FRMD4A: variants seen among roughly 807,000 people sequenced by gnomAD.
The protein encoded by FRMD4A is FERM domain containing 4A, also known as FERM domain-containing protein 4A.
Under a neutral mutation model 129.1 loss-of-function variants are expected in FRMD4A, and 29 were observed. That is an observed-to-expected ratio of 0.22 (90% CI 0.17 to 0.31). The LOEUF (loss-of-function observed/expected upper bound fraction) is 0.31, where lower values mean the gene tolerates loss of function less well. Among genes scored for constraint, FRMD4A ranks in the 10% least tolerant of loss-of-function variants. FRMD4A has a pLI of 1.00. For missense variants in FRMD4A, 1,272 were observed against 1,375.8 expected (o/e 0.92, Z 1.19); for synonymous variants, 634 against 571.6 (o/e 1.11, Z -1.56).
intron 2 of FRMD4A, among the ~76,000 whole-genome samples, chr10:14,277,493 A>G (rs1845382313): frequency 6.6e-6 from 1 of 152,206 alleles, no homozygotes; most frequent in Non-Finnish European, 1.5e-5. Flanking sequence ...GCCAAAAAGG[A>G]GATTCCAAAT....
In FRMD4A at chr10:13,657,438, C is replaced by T. The variant is rs145831455; in HGVS notation, c.2151G>A (p.Lys717=). ...CGGTGTCGTTTTCCGAGCCCAGGAG[C>T]TTGCCCTGGGACTCCAGGCTGGAGC... ...HRSSSLESQG[K]LLGSENDTGS... Residue 717 remains lysine, a synonymous_variant, in exon 22 of 25, where the codon AAG becomes AAA. Transcript: ENST00000357447. 1,772 of 1,612,610 alleles carry T rather than the reference C, an allele frequency of 1.1e-3. 1 individual carries two copies. Among genetic ancestry groups the T allele is most frequent in the Non-Finnish European group, 1.4e-3 (1,684 of 1,179,920 alleles).
At chr10:13,918,578 G>T (rs1787964074) in intron 2 of FRMD4A, among the ~76,000 whole-genome samples, 2 of 152,066 alleles carry the variant, frequency 1.3e-5, no homozygotes, top group African/African-American at 4.8e-5. Context: ...GCCCAGGCTG[G>T]AGTGCAGTGG....
chr10:14,153,978 C>T (rs1266449609), intron 2 of FRMD4A, among the ~76,000 whole-genome samples: 2 of 152,210 alleles, frequency 1.3e-5, no homozygotes, highest in African/African-American at 2.4e-5. Flanking sequence ...TCCCAACGGC[C>T]ATGACGGGGT....
intron 2 of FRMD4A, chr10:14,008,549 T>C (rs907226030): frequency 2.0e-6 from 2 of 981,790 alleles, no homozygotes; most frequent in Non-Finnish European, 2.4e-6. Context: ...ATCAGGTCAG[T>C]TGTCTAATCA....
chr10:14,326,942 T>A (rs1251733908), intron 2 of FRMD4A: 1 of 398,550 alleles, frequency 2.5e-6, no homozygotes, highest in African/African-American at 2.1e-5. Context: ...ATGTGTCTTC[T>A]CTCCAAGTCC....
intron 2 of FRMD4A, among the ~76,000 whole-genome samples, chr10:14,300,350 G>A (rs1846144807): frequency 6.6e-6 from 1 of 152,122 alleles, no homozygotes; most frequent in Non-Finnish European, 1.5e-5. Flanking sequence ...ACCAAGCTTA[G>A]AATAAAATTC....
At chr10:14,226,324 C>T (rs576674656) in intron 2 of FRMD4A, among the ~76,000 whole-genome samples, 32 of 152,172 alleles carry the variant, frequency 2.1e-4, no homozygotes, top group Non-Finnish European at 4.1e-4. Context: ...CATTCAACAG[C>T]TCACTGTACC....
rs571975271 is a variant in FRMD4A, at chr10:14,268,045, C to A, written c.45+62013G>T. Among the ~76,000 whole-genome samples, 21 of 152,178 alleles carry A rather than the reference C, an allele frequency of 1.4e-4. 1 individual carries two copies. The highest frequency in any genetic ancestry group is 2.4e-4 in the Non-Finnish European group (16 of 68,010). On this transcript the variant is annotated intron_variant, in intron 2 of 24. Transcript: ENST00000357447. ...ACCTATTTCATGATTGTGTTGCAGGCATCAAATGGGATAGTATATGCCAGA... is the reference window on the plus strand; with the variant it reads ...ACCTATTTCATGATTGTGTTGCAGGAATCAAATGGGATAGTATATGCCAGA...
At chr10:14,190,460 C>A (rs1318046369) in intron 2 of FRMD4A, among the ~76,000 whole-genome samples, 2 of 152,210 alleles carry the variant, frequency 1.3e-5, no homozygotes, top group East Asian at 1.9e-4. Context: ...CAGCCTCAGT[C>A]TCCAAGGCTC....
intron 2 of FRMD4A, chr10:13,972,209 T>A: frequency 9.8e-7 from 1 of 1,016,570 alleles, no homozygotes; most frequent in Non-Finnish European, 1.2e-6. Flanking sequence ...AGTGTTGGGA[T>A]CCCCTCCAGG....
intron 2 of FRMD4A, among the ~76,000 whole-genome samples, chr10:14,092,133 G>C (rs1001235325): frequency 2.0e-5 from 3 of 152,152 alleles, no homozygotes; most frequent in African/African-American, 7.2e-5. Context: ...GGTGGGGCTT[G>C]AGTGGTCCCA....
chr10:14,242,939 T>G (rs913197369), intron 2 of FRMD4A, among the ~76,000 whole-genome samples: 2 of 152,226 alleles, frequency 1.3e-5, no homozygotes, highest in African/African-American at 4.8e-5. Context: ...TGAGACACCA[T>G]GCTCATGGAA....
chr10:13,699,286 A>T (rs1296034182), intron 14 of FRMD4A, among the ~76,000 whole-genome samples: 1 of 127,820 alleles, frequency 7.8e-6, no homozygotes, highest in African/African-American at 3.0e-5. Flanking sequence ...CATGTTTGCC[A>T]GGCTGGTCTC....
At position 13,858,539 on chromosome 10, in the gene FRMD4A, A is replaced by G. The variant is rs117641853; in HGVS notation, c.111+308T>C. ...ATTTTAGTTACAGCAAGAGTTACTTAGGTTACATTGTAGTTAACTCCTTCC... is the reference window on the plus strand; with the variant it reads ...ATTTTAGTTACAGCAAGAGTTACTTGGGTTACATTGTAGTTAACTCCTTCC... On this transcript the variant is annotated intron_variant, in intron 3 of 24. Coordinates refer to ENST00000357447, the MANE Select transcript of FRMD4A (RefSeq NM_018027.5). 2.8e-3 allele frequency among the ~76,000 whole-genome samples: 425 copies of G among 152,344 alleles called. 2 individuals carry two copies. Among genetic ancestry groups the G allele is most frequent in the Non-Finnish European group, 5.4e-3 (364 of 68,036 alleles).
intron 8 of FRMD4A, among the ~76,000 whole-genome samples, chr10:13,754,036 A>C (rs1187595265): frequency 1.3e-5 from 2 of 152,208 alleles, no homozygotes; most frequent in Non-Finnish European, 2.9e-5. Flanking sequence ...TAATTTTCTC[A>C]AAAAGCCCAA....
intron 6 of FRMD4A, among the ~76,000 whole-genome samples, chr10:13,778,598 C>CGTGTGTGTGT (rs150073571): frequency 2.0e-4 from 29 of 147,974 alleles, no homozygotes; most frequent in African/African-American, 6.4e-4. Flanking sequence ...ACCATTCCAA[C>CGTGTGTGTGT]GTGTGTGTGT....
chr10:14,125,134 G>C (rs982636783), intron 2 of FRMD4A, among the ~76,000 whole-genome samples: 79 of 152,192 alleles, frequency 5.2e-4, no homozygotes, highest in African/African-American at 1.9e-3. Flanking sequence ...CAGGACTAAG[G>C]GACAGTTGCC....
At chr10:14,045,963 AT>A (rs1833976254) in intron 2 of FRMD4A, among the ~76,000 whole-genome samples, 1 of 148,910 alleles carries the variant, frequency 6.7e-6, no homozygotes, top group African/African-American at 2.4e-5. Context: ...ATGTATTCAT[AT>A]TATTCAATAC....
intron 15 of FRMD4A, among the ~76,000 whole-genome samples, chr10:13,683,552 A>C (rs2084804591): frequency 6.6e-6 from 1 of 152,052 alleles, no homozygotes; most frequent in African/African-American, 2.4e-5. Flanking sequence ...AGCTATGCTC[A>C]CACCACTGCG....
Sources: allele counts gnomAD v4.1 joint callset (sites outside exome capture counted in the v4.1 genomes callset), GRCh38; gene constraint gnomAD v4.1.1; transcripts MANE v1.5; gene names NCBI Gene and HGNC (gene_info 2026-07-23, HGNC 2026-07-21).